MORC3: variants seen among roughly 807,000 people sequenced by gnomAD.
MORC3 encodes the protein MORC family CW-type zinc finger protein 3.
Under a neutral mutation model 109.1 loss-of-function variants are expected in MORC3, and 31 were observed. The observed-to-expected ratio is 0.28, with a 90% confidence interval of 0.21 to 0.38. The LOEUF (loss-of-function observed/expected upper bound fraction) is 0.38. Among genes scored for constraint, MORC3 ranks in the 10% least tolerant of loss-of-function variants. MORC3 has a pLI of 1.00. For synonymous variants in MORC3, 395 were observed against 380.7 expected, an observed-to-expected ratio of 1.04 and a Z score of -0.44; for missense variants, 867 against 1,135.8, an observed-to-expected ratio of 0.76 and a Z score of 3.40.
intron 2 of MORC3, among the ~76,000 whole-genome samples, chr21:36,336,179 C>T (rs759093731): frequency 4.6e-5 from 7 of 151,542 alleles, no homozygotes; most frequent in Non-Finnish European, 7.4e-5. Context: ...GATCTGCCCA[C>T]CTCAGCCTCC....
chr21:36,356,812 T>C, intron 10 of MORC3, 88 bp downstream of exon 10: 1 of 778,456 alleles, frequency 1.3e-6, no homozygotes, highest in Non-Finnish European at 2.0e-6. Context: ...TTTCACAAAC[T>C]TAGGACTGTA....
chr21:36,349,466 G>A (rs1907512311), intron 9 of MORC3, 58 bp downstream of exon 9: 2 of 1,117,476 alleles, frequency 1.8e-6, no homozygotes, highest in African/African-American at 3.2e-5. Context: ...TACCAAGAAA[G>A]CAGGAACTAC....
At chr21:36,331,712 A>G (rs2049317630) in intron 1 of MORC3, among the ~76,000 whole-genome samples, 1 of 152,246 alleles carries the variant, frequency 6.6e-6, no homozygotes, top group South Asian at 2.1e-4. Context: ...TGACTGGCAT[A>G]TTCTTCCATA....
At chr21:36,329,417 GTTTT>G (rs1232324698) in intron 1 of MORC3, among the ~76,000 whole-genome samples, 1 of 151,946 alleles carries the variant, frequency 6.6e-6, no homozygotes, top group Non-Finnish European at 1.5e-5. Context: ...ATGAATCAGT[GTTTT>G]TTTTGGGTTT....
chr21:36,341,283 A>G, intron 5 of MORC3, 116 bp from the exon 6 acceptor site: 1 of 943,184 alleles, frequency 1.1e-6, no homozygotes, highest in East Asian at 2.7e-5. Context: ...CCCCCCACTG[A>G]CGTGCACCAT....
intron 1 of MORC3, among the ~76,000 whole-genome samples, chr21:36,321,743 T>G (rs6517345): frequency 2.5e-4 from 38 of 151,856 alleles, no homozygotes; most frequent in Non-Finnish European, 1.2e-4. Flanking sequence ...CTCTCCTTCC[T>G]CTCTCGAGGT....
chr21:36,329,364 A>G (rs1018735862), intron 1 of MORC3, among the ~76,000 whole-genome samples: 4 of 152,082 alleles, frequency 2.6e-5, no homozygotes, highest in Non-Finnish European at 5.9e-5. Context: ...CCTGGGCCAC[A>G]TGCATCCCAT....
intron 5 of MORC3, chr21:36,339,239 TC>T (rs936027506): frequency 3.9e-5 from 7 of 179,046 alleles, no homozygotes; most frequent in Non-Finnish European, 8.2e-5. Flanking sequence ...CCTGCTTCAG[TC>T]CCCCGAGTAG....
chr21:36,320,734 G>A (rs1005383130), intron 1 of MORC3: 5 of 172,448 alleles, frequency 2.9e-5, no homozygotes, highest in African/African-American at 4.7e-5. Context: ...GGGGCGGGGG[G>A]ACGGGGCTGC....
chr21:36,362,944 G>A (rs571699711), intron 13 of MORC3, among the ~76,000 whole-genome samples: 53 of 152,116 alleles, frequency 3.5e-4, no homozygotes, highest in Non-Finnish European at 5.4e-4. Flanking sequence ...AGACATCCCA[G>A]GAACACCCAG....
intron 12 of MORC3, 54 bp from the exon 13 acceptor site, chr21:36,362,129 C>T: frequency 6.4e-7 from 1 of 1,574,458 alleles, no homozygotes; most frequent in Non-Finnish European, 8.7e-7. Flanking sequence ...GCAGGTATGT[C>T]ATTGGGAAAT....
intron 15 of MORC3, among the ~76,000 whole-genome samples, chr21:36,371,606 T>C (rs536394724): frequency 1.1e-4 from 17 of 152,346 alleles, no homozygotes; most frequent in South Asian, 2.1e-4. Flanking sequence ...GTGTGGTTTC[T>C]ATAGAATGCA....
Position 36,337,883 on chromosome 21 carries a change from A to G in MORC3, c.397A>G (p.Thr133Ala). 2 of 1,614,190 alleles carry G rather than the reference A, an allele frequency of 1.2e-6. No individual in the cohort carries two copies. The highest frequency in any genetic ancestry group is 1.7e-6 in the Non-Finnish European group (2 of 1,180,034). ...CATGAGCGTGGGCCTTTTGTCTCAGACCTACTTGGAAGTCATAAAAGCGGA... is the reference window on the plus strand; with the variant it reads ...CATGAGCGTGGGCCTTTTGTCTCAGGCCTACTTGGAAGTCATAAAAGCGGA... The part of the protein sequence containing the change: ...ESMSVGLLSQ[T>A]YLEVIKAEHV... Residue 133 changes from threonine (T) to alanine (A), a missense_variant, in exon 4 of 17, where the codon ACC becomes GCC. This residue lies in a region of MORC3 where 134 missense variants were observed against 166.6 expected (regional missense o/e 0.80). Coordinates refer to ENST00000400485, the MANE Select transcript of MORC3 (RefSeq NM_015358.3).
chr21:36,368,870 C>G, intron 14 of MORC3, 118 bp from the exon 15 acceptor site: 1 of 942,318 alleles, frequency 1.1e-6, no homozygotes, highest in Non-Finnish European at 1.5e-6. Context: ...GAGTGACACT[C>G]CATCTCAAAA....
chr21:36,344,821 G>A, intron 7 of MORC3, 91 bp from the exon 8 acceptor site: 1 of 1,596,208 alleles, frequency 6.3e-7, no homozygotes, highest in Non-Finnish European at 8.5e-7. Flanking sequence ...GCCCTCCTTT[G>A]TGTGCTTTTG....
At chr21:36,365,728 G>A (rs2085773575) in intron 14 of MORC3, among the ~76,000 whole-genome samples, 2 of 151,910 alleles carry the variant, frequency 1.3e-5, no homozygotes, top group Admixed American at 6.6e-5. Flanking sequence ...TTACAGGCAC[G>A]CACCACCATG....
At chr21:36,323,991 T>C (rs2085221172) in intron 1 of MORC3, among the ~76,000 whole-genome samples, 1 of 151,974 alleles carries the variant, frequency 6.6e-6, no homozygotes, top group African/African-American at 2.4e-5. Context: ...TTCTCCCGCC[T>C]CAGCCTCCCG....
chr21:36,326,352 C>T (rs1023359785), intron 1 of MORC3, among the ~76,000 whole-genome samples: 2 of 151,910 alleles, frequency 1.3e-5, no homozygotes, highest in African/African-American at 4.8e-5. Flanking sequence ...GGTGAAACCC[C>T]ATCTTTACCA....
At chr21:36,331,217 A>G (rs1648068302) in intron 1 of MORC3, among the ~76,000 whole-genome samples, 2 of 152,170 alleles carry the variant, frequency 1.3e-5, no homozygotes, top group South Asian at 4.1e-4. Context: ...TCCCCTTATT[A>G]GGAGAGAATC....
Sources: allele counts gnomAD v4.1 joint callset (sites outside exome capture counted in the v4.1 genomes callset), GRCh38; gene constraint gnomAD v4.1.1; regional missense constraint gnomAD v4.1.1; transcripts MANE v1.5; gene names NCBI Gene and HGNC (gene_info 2026-07-23, HGNC 2026-07-21).